Variants in BRAF observed in about 807,000 individuals in gnomAD.
The protein encoded by BRAF is serine/threonine-protein kinase B-raf.
Under a neutral mutation model 104.6 loss-of-function variants are expected in BRAF, and 16 were observed. The observed-to-expected ratio is 0.15, with a 90% CI of 0.10 to 0.23. The LOEUF (loss-of-function observed/expected upper bound fraction) is 0.23. Ranked by LOEUF, BRAF falls within the 10% of genes least tolerant of loss-of-function variation. The probability of loss-of-function intolerance (pLI) is 1.00; values close to 1 mark genes in which losing one functional copy is unlikely to be tolerated. For synonymous variants in BRAF, 310 were observed against 341.6 expected (o/e 0.91, Z 1.02); for missense variants, 541 against 937.3 (o/e 0.58, Z 5.52).
chr7:140,813,361 C>T (rs1199378286), intron 3 of BRAF, among the ~76,000 whole-genome samples: 4 of 151,674 alleles, frequency 2.6e-5, no homozygotes, highest in Non-Finnish European at 5.9e-5. Context: ...ATCAGATTGG[C>T]AAAAATCCAA....
chr7:140,911,474 A>C (rs1283118644), intron 1 of BRAF, among the ~76,000 whole-genome samples: 2 of 152,244 alleles, frequency 1.3e-5, no homozygotes, highest in South Asian at 2.1e-4. Flanking sequence ...ATAGTGAGTA[A>C]AACAAGGTAA....
At chr7:140,846,874 G>C (rs912526970) in intron 2 of BRAF, among the ~76,000 whole-genome samples, 1 of 152,242 alleles carries the variant, frequency 6.6e-6, no homozygotes, top group Non-Finnish European at 1.5e-5. Flanking sequence ...AAATGGTGAT[G>C]GCCAGGCACG....
At chr7:140,843,067 C>A (rs140352499) in intron 2 of BRAF, among the ~76,000 whole-genome samples, 3 of 152,268 alleles carry the variant, frequency 2.0e-5, no homozygotes, top group African/African-American at 7.2e-5. Flanking sequence ...TTCTACTTGA[C>A]AGCATACAAA....
chr7:140,916,442 G>C (rs1817642516), intron 1 of BRAF, among the ~76,000 whole-genome samples: 1 of 152,182 alleles, frequency 6.6e-6, no homozygotes, highest in Non-Finnish European at 1.5e-5. Flanking sequence ...GGTTTCAAAT[G>C]GAAGAACTCT....
intron 14 of BRAF, among the ~76,000 whole-genome samples, chr7:140,762,601 C>A (rs181290928): frequency 8.2e-6 from 1 of 122,230 alleles, no homozygotes; most frequent in African/African-American, 3.3e-5. Context: ...AATCCAGGAG[C>A]TGTTTTTTTT....
Position 140,719,719 on chromosome 7 carries a change from AAAAT to A in BRAF, c.*6771_*6774del. On this transcript the variant is annotated 3_prime_UTR_variant, in exon 20 of 20. Coordinates refer to ENST00000644969, the MANE Select transcript of BRAF (RefSeq NM_001374258.1). ...AATAAATGTCTTTTTTATGAATTGA[AAAAT>A]AAGCTTTAAAAATAGTTACTCCATT... 9.4e-7 allele frequency: 1 copy of A among 1,061,812 alleles called. No homozygotes were observed. The highest frequency in any genetic ancestry group is 4.6e-5 in the South Asian group (1 of 21,936). 65.8% of individuals were successfully genotyped at this position (1,061,812 alleles called of 1,614,324 possible).
intron 3 of BRAF, among the ~76,000 whole-genome samples, chr7:140,830,275 T>A (rs1370090814): frequency 3.3e-5 from 5 of 152,224 alleles, no homozygotes; most frequent in African/African-American, 9.6e-5. Context: ...GTTGATTTGG[T>A]GTGGACTTAC....
At chr7:140,840,639 A>C (rs1807855670) in intron 2 of BRAF, among the ~76,000 whole-genome samples, 1 of 151,458 alleles carries the variant, frequency 6.6e-6, no homozygotes, top group Non-Finnish European at 1.5e-5. Flanking sequence ...AAAAATACAA[A>C]AATTATCCAG....
rs121913361 is a variant in BRAF at position 140,753,349 on chromosome 7, C to G, written c.1906G>C (p.Gly636Arg). Reference protein sequence around the residue: ...EDLTVKIGDFGLATVKSRWSG... With the variant: ...EDLTVKIGDFRLATVKSRWSG... ...CATCGAGATTTCACTGTAGCTAGAC[C>G]AAAATCACCTATTTTTACTGTGAGG... Residue 636 changes from glycine (G) to arginine (R), a missense_variant, in exon 16 of 20, where the codon GGT becomes CGT. Around this residue, in one of 10 missense-constraint regions of BRAF, gnomAD observed 129 missense variants for 285.8 expected, o/e 0.45. Transcript: ENST00000644969. The G allele has an allele frequency of 6.2e-7, 1 of 1,612,200 alleles. No individual in the cohort carries two copies. Among genetic ancestry groups the G allele is most frequent in the Non-Finnish European group, 8.5e-7 (1 of 1,178,560 alleles).
At chr7:140,863,508 T>A (rs1810626867) in intron 1 of BRAF, among the ~76,000 whole-genome samples, 1 of 152,208 alleles carries the variant, frequency 6.6e-6, no homozygotes, top group Admixed American at 6.5e-5. Flanking sequence ...TGTGACATAA[T>A]CTGATTTATA....
chr7:140,840,049 A>G (rs952010468), intron 2 of BRAF, among the ~76,000 whole-genome samples: 2 of 152,212 alleles, frequency 1.3e-5, no homozygotes, highest in Non-Finnish European at 2.9e-5. Context: ...CTTCTTTAAA[A>G]GCACCCACTT....
intron 6 of BRAF, 158 bp downstream of exon 6, chr7:140,801,254 C>T (rs1803079407): frequency 2.8e-6 from 2 of 707,288 alleles, no homozygotes; most frequent in Non-Finnish European, 4.8e-6. Context: ...AAATACTGTC[C>T]ATTCCACATA....
At chr7:140,909,012 A>G (rs996034175) in intron 1 of BRAF, among the ~76,000 whole-genome samples, 5 of 131,372 alleles carry the variant, frequency 3.8e-5, no homozygotes, top group African/African-American at 1.5e-4. Flanking sequence ...TTTTTTTAAT[A>G]CTGTTTCCAA....
At chr7:140,791,198 C>T (rs1009488576) in intron 8 of BRAF, among the ~76,000 whole-genome samples, 8 of 152,156 alleles carry the variant, frequency 5.3e-5, no homozygotes, top group African/African-American at 1.7e-4. Context: ...CCTTCACAGC[C>T]AAGCTTCTCA....
chr7:140,724,617 G>A lies in BRAF; in HGVS notation c.*1877C>T. The A allele has an allele frequency of 3.9e-6, 4 of 1,037,760 alleles. No individual in the cohort carries two copies. Among genetic ancestry groups the A allele is most frequent in the Non-Finnish European group, 4.6e-6 (4 of 861,726 alleles). The allele number at this position is 1,037,760 out of a possible 1,614,324, so 64.3% of individuals were successfully genotyped here. A position where few individuals can be genotyped will look rare whatever the true frequency, so the allele number is the denominator to read the frequency against. On this transcript the variant is annotated 3_prime_UTR_variant, in exon 20 of 20. Transcript: ENST00000644969. Reference sequence around the variant, plus strand: ...TGAAAATTTCAATAGGCTTTCTTCTGAATACATGTATGTTAGCAAAAATCT... The same window carrying A: ...TGAAAATTTCAATAGGCTTTCTTCTAAATACATGTATGTTAGCAAAAATCT...
chr7:140,842,383 T>C (rs1007243130), intron 2 of BRAF, among the ~76,000 whole-genome samples: 2 of 152,218 alleles, frequency 1.3e-5, no homozygotes, highest in Non-Finnish European at 2.9e-5. Context: ...GATTAGTACC[T>C]GATACATAGT....
chr7:140,868,367 A>G (rs1048950770), intron 1 of BRAF, among the ~76,000 whole-genome samples: 3 of 152,244 alleles, frequency 2.0e-5, no homozygotes, highest in African/African-American at 7.2e-5. Flanking sequence ...AAAATGTCGC[A>G]TATCCATTCA....
intron 1 of BRAF, among the ~76,000 whole-genome samples, chr7:140,904,553 A>C (rs1816080430): frequency 2.0e-5 from 3 of 152,192 alleles, no homozygotes. Context: ...TCAATCAAAA[A>C]TTTTTAATCA....
At position 140,723,101 on chromosome 7, in the gene BRAF, T is replaced by C. The variant is rs943049345; in HGVS notation, c.*3393A>G. The C allele has an allele frequency of 2.6e-5, 27 of 1,051,302 alleles. No homozygotes were observed. In the Middle Eastern group the frequency reaches 1.7e-3, roughly 67 times the overall value. 65.1% of individuals were successfully genotyped at this position (1,051,302 alleles called of 1,614,324 possible). A position where few individuals can be genotyped will look rare whatever the true frequency, so the allele number is the denominator to read the frequency against. ...GAGGTAGTTTTTTGTAGAGGTCACC[T>C]GAACCCTGCAATGTGGTTTCGAACT... On this transcript the variant is annotated 3_prime_UTR_variant, in exon 20 of 20. Transcript: ENST00000644969.
Sources: gnomAD v4.1 joint callset for allele counts (sites outside exome capture counted in the v4.1 genomes callset) on GRCh38, gnomAD v4.1.1 for gene constraint, gnomAD v4.1.1 regional missense constraint, MANE v1.5 for transcripts, NCBI Gene and HGNC (gene_info 2026-07-23, HGNC 2026-07-21) for gene names.